Variants in FARSB observed in about 807,000 individuals in gnomAD.
FARSB encodes the protein phenylalanine--tRNA ligase beta subunit.
A neutral mutation model predicts 69.6 loss-of-function variants in FARSB; 40 were observed. The ratio of observed to expected loss-of-function variants is 0.57; its 90% CI spans 0.45 to 0.75. FARSB has a LOEUF of 0.75. Ranked by LOEUF, FARSB falls within the 30% of genes least tolerant of loss-of-function variation. The pLI is 0.00. For synonymous variants in FARSB, 235 were observed against 247.2 expected (o/e 0.95, Z 0.46); for missense variants, 632 against 722.9 (o/e 0.87, Z 1.44).
At chr2:222,610,642 A>G (rs1409134505) in intron 15 of FARSB, among the ~76,000 whole-genome samples, 2 of 152,232 alleles carry the variant, frequency 1.3e-5, no homozygotes, top group African/African-American at 4.8e-5. Context: ...AAGTCATTCT[A>G]GTAAAAAATT....
At chr2:222,619,830 T>C (rs1388238948) in intron 13 of FARSB, 93 bp from the exon 14 acceptor site, 2 of 703,840 alleles carry the variant, frequency 2.8e-6, no homozygotes, top group African/African-American at 1.8e-5. Context: ...CTAAGAGCAA[T>C]TTATATTCTC....
chr2:222,623,610 G>A (rs779371690), intron 13 of FARSB, 40 bp downstream of exon 13: 5 of 1,080,510 alleles, frequency 4.6e-6, no homozygotes, highest in Non-Finnish European at 7.2e-6. Flanking sequence ...GAGAGTCTAA[G>A]TAAATAATCA....
intron 9 of FARSB, among the ~76,000 whole-genome samples, 175 bp from the exon 10 acceptor site, chr2:222,629,063 G>A (rs1691349818): frequency 6.6e-6 from 1 of 152,026 alleles, no homozygotes; most frequent in South Asian, 2.1e-4. Flanking sequence ...ATACTCTACT[G>A]TTTCATCTCC....
At chr2:222,644,383 TGAA>T in intron 2 of FARSB, 1 of 320,860 alleles carries the variant, frequency 3.1e-6, no homozygotes. Context: ...AACAAGAGAA[TGAA>T]GAGGAGGAGG....
At position 222,569,501 on chromosome 2, in the gene FARSB, TA is replaced by T. The variant is rs1360992435; in HGVS notation, c.*2369del. On this transcript the variant is annotated 3_prime_UTR_variant, in exon 17 of 17. Coordinates refer to ENST00000281828, the MANE Select transcript of FARSB (RefSeq NM_005687.5). ...CATTTATCAACTGGTGTTATGTAGTTAAAATCAGTAAAATACTACATGTTAC... is the reference window on the plus strand; with the variant it reads ...CATTTATCAACTGGTGTTATGTAGTTAAATCAGTAAAATACTACATGTTAC... 2.0e-5 allele frequency: 3 copies of T among 152,206 alleles called. No homozygotes were observed. Among genetic ancestry groups the T allele is most frequent in the Admixed American group, 6.5e-5 (1 of 15,286 alleles). The allele number at this position is 152,206 out of a possible 1,614,324, so 9.4% of individuals were successfully genotyped here.
rs1029945264 is a variant in FARSB, at chr2:222,567,733, G to C, written c.*4138C>G. On this transcript the variant is annotated 3_prime_UTR_variant, in exon 17 of 17. Coordinates refer to ENST00000281828, the MANE Select transcript of FARSB (RefSeq NM_005687.5). ...CAAAGAAATATCTAATGAACTCTAT[G>C]CATCTCTGAATGTGTCTGTCAAATG... 2.6e-5 allele frequency: 4 copies of C among 152,190 alleles called. No homozygotes were observed. Among genetic ancestry groups the C allele is most frequent in the African/African-American group, 9.6e-5 (4 of 41,452 alleles). 9.4% of individuals were successfully genotyped at this position (152,190 alleles called of 1,614,324 possible). A position where few individuals can be genotyped will look rare whatever the true frequency, so the allele number is the denominator to read the frequency against.
At chr2:222,573,910 G>C (rs1321184647) in intron 16 of FARSB, among the ~76,000 whole-genome samples, 2 of 152,150 alleles carry the variant, frequency 1.3e-5, no homozygotes, top group Non-Finnish European at 2.9e-5. Context: ...ATTTTTAAGG[G>C]ACACTCAGAA....
intron 5 of FARSB, among the ~76,000 whole-genome samples, chr2:222,636,862 A>T (rs566841657): frequency 1.3e-5 from 2 of 152,228 alleles, no homozygotes; most frequent in African/African-American, 4.8e-5. Context: ...GGCAATGGAC[A>T]TGAGAAGAAA....
At chr2:222,615,999 C>T (rs995893644) in intron 14 of FARSB, among the ~76,000 whole-genome samples, 3 of 152,066 alleles carry the variant, frequency 2.0e-5, no homozygotes, top group African/African-American at 7.2e-5. Context: ...ATAGATATGC[C>T]TTATTTGCAT....
At chr2:222,652,241 T>C (rs1011250552) in intron 1 of FARSB, among the ~76,000 whole-genome samples, 1 of 152,212 alleles carries the variant, frequency 6.6e-6, no homozygotes, top group Admixed American at 6.5e-5. Context: ...GAGCTGCTGC[T>C]GTAATGGGAT....
At chr2:222,612,328 A>G (rs867413686) in intron 15 of FARSB, among the ~76,000 whole-genome samples, 108 of 152,204 alleles carry the variant, frequency 7.1e-4, no homozygotes, top group African/African-American at 2.5e-3. Flanking sequence ...CTCCAAGTTC[A>G]ATATTTTATG....
At chr2:222,606,724 A>T (rs1559200076) in intron 15 of FARSB, among the ~76,000 whole-genome samples, 1 of 152,236 alleles carries the variant, frequency 6.6e-6, no homozygotes. Flanking sequence ...AAATTTTTCA[A>T]ATAGGCTCCT....
Position 222,571,193 on chromosome 2 carries a change from G to A in FARSB, c.*678C>T, listed in dbSNP as rs559650141. 1 of 152,214 alleles carries A rather than the reference G, an allele frequency of 6.6e-6. No individual in the cohort carries two copies. The highest frequency in any genetic ancestry group is 6.5e-5 in the Admixed American group (1 of 15,296). 9.4% of individuals were successfully genotyped at this position (152,214 alleles called of 1,614,324 possible). A position where few individuals can be genotyped will look rare whatever the true frequency, so the allele number is the denominator to read the frequency against. On this transcript the variant is annotated 3_prime_UTR_variant, in exon 17 of 17. Coordinates refer to ENST00000281828, the MANE Select transcript of FARSB (RefSeq NM_005687.5). ...TCATACTGCATTGATATCAATACTT[G>A]TCCATTTTAACTCTTACAGCAGAAC... is the stretch of plus-strand genomic sequence containing the variant.
At chr2:222,607,792 C>T (rs565938361) in intron 15 of FARSB, among the ~76,000 whole-genome samples, 8 of 151,840 alleles carry the variant, frequency 5.3e-5, no homozygotes, top group Non-Finnish European at 1.0e-4. Flanking sequence ...AAATGCCCTC[C>T]TATATTATAG....
At chr2:222,586,872 C>G (rs1472325272) in intron 16 of FARSB, among the ~76,000 whole-genome samples, 2 of 152,070 alleles carry the variant, frequency 1.3e-5, no homozygotes, top group Non-Finnish European at 2.9e-5. Flanking sequence ...CCTTAGAGAC[C>G]TACAAAGAGA....
intron 16 of FARSB, 119 bp from the exon 17 acceptor site, chr2:222,572,141 A>T: frequency 1.3e-6 from 1 of 796,440 alleles, no homozygotes; most frequent in Non-Finnish European, 1.9e-6. Flanking sequence ...ATCACTGGCT[A>T]TGAAAAGAGA....
intron 16 of FARSB, among the ~76,000 whole-genome samples, chr2:222,592,659 A>G (rs1690305075): frequency 6.7e-6 from 1 of 150,318 alleles, no homozygotes; most frequent in South Asian, 2.1e-4. Flanking sequence ...TTTCTATAGA[A>G]TAGTGGAGGC....
At chr2:222,638,730 T>C (rs1691646020) in intron 5 of FARSB, among the ~76,000 whole-genome samples, 1 of 152,204 alleles carries the variant, frequency 6.6e-6, no homozygotes, top group Admixed American at 6.5e-5. Context: ...TAAACTACAA[T>C]TATTAGCAAA....
At chr2:222,596,240 C>T (rs1452011472) in intron 16 of FARSB, among the ~76,000 whole-genome samples, 1 of 152,120 alleles carries the variant, frequency 6.6e-6, no homozygotes, top group Non-Finnish European at 1.5e-5. Flanking sequence ...GCATAACAAG[C>T]AAGGTTACGC....
Sources: allele counts gnomAD v4.1 joint callset (sites outside exome capture counted in the v4.1 genomes callset), GRCh38; gene constraint gnomAD v4.1.1; transcripts MANE v1.5; gene names NCBI Gene and HGNC (gene_info 2026-07-23, HGNC 2026-07-21).